CPB1: variants seen among roughly 807,000 people sequenced by gnomAD.
CPB1 encodes carboxypeptidase B1, also known as carboxypeptidase B.
In CPB1, 53 loss-of-function variants were observed where a neutral mutation model predicts 51.4. The observed-to-expected ratio is 1.03, with a 90% confidence interval of 0.83 to 1.30. The LOEUF is 1.30. Among genes scored for constraint, CPB1 ranks in the 50% most tolerant of loss-of-function variants. CPB1 has a pLI of 0.00. For synonymous variants in CPB1, 189 were observed against 186.9 expected (o/e 1.01, Z -0.09); for missense variants, 494 against 516.2 (o/e 0.96, Z 0.42).
rs1044101005 is a variant in CPB1 at position 148,845,433 on chromosome 3, C to G, written c.788C>G (p.Ala263Gly). Residue 263 changes from alanine (A) to glycine (G), a missense_variant, in exon 9 of 11, where the codon GCC becomes GGC. Ala to Gly is a moderately conservative substitution (Grantham distance 60). Transcript: ENST00000282957. ...NFDAGWCEIGASRNPCDETYC... is the reference protein window; with the variant it reads ...NFDAGWCEIGGSRNPCDETYC... The stretch of plus-strand genomic sequence containing the variant: ...TCATATGTTTTTCCAGAAATTGGAG[C>G]CTCTCGAAACCCCTGTGATGAAACT... 6.2e-7 allele frequency: 1 copy of G among 1,613,732 alleles called. No homozygotes were observed. The highest frequency in any genetic ancestry group is 8.5e-7 in the Non-Finnish European group (1 of 1,179,726).
At position 148,840,799 on chromosome 3, in the gene CPB1, A is replaced by G. The variant is rs1414638376; in HGVS notation, c.372+14A>G. The G allele has an allele frequency of 2.5e-6, 4 of 1,613,776 alleles. No individual in the cohort carries two copies. Among genetic ancestry groups the G allele is most frequent in the Admixed American group, 3.3e-5 (2 of 60,002 alleles). ...AAGTGGGAAACGGTATGATGTGCAC[A>G]TGATTTAGACAGATATTACTTTGGG... On this transcript the variant is annotated intron_variant, in intron 4 of 10. Transcript: ENST00000282957.
intron 6 of CPB1, 39 bp from the exon 7 acceptor site, chr3:148,844,439 C>A: frequency 6.7e-7 from 1 of 1,489,166 alleles, no homozygotes; most frequent in Middle Eastern, 1.7e-4. Context: ...ATCATAATTC[C>A]ATTTTTCCAT....
chr3:148,834,543 A>G lies in CPB1; in HGVS notation c.193A>G (p.Ser65Gly), dbSNP rs146504027. 6,677 of 1,613,684 alleles carry G rather than the reference A, an allele frequency of 4.1e-3. 17 individuals carry two copies. The highest frequency in any genetic ancestry group is 4.8e-3 in the Non-Finnish European group (5,633 of 1,179,558). The change falls in exon 3 of 11, where the codon AGT becomes GGT. Residue 65 changes from serine (S) to glycine (G), a missense_variant. By Grantham distance (56) the Ser-to-Gly change is moderately conservative. Transcript: ENST00000282957. ...TTCTGTCACACAAATCAAACCTCAC[A>G]GTACAGTTGACTTCCGTGTTAAAGC... ...PDSVTQIKPH[S>G]TVDFRVKAED... is the part of the protein sequence containing the mutation.
At chr3:148,857,365 C>T (rs1713610089) in intron 9 of CPB1, 92 bp from the exon 10 acceptor site, 1 of 922,540 alleles carries the variant, frequency 1.1e-6, no homozygotes. Flanking sequence ...TTGTTACTTA[C>T]ATGCTTTGAA....
At chr3:148,833,568 A>T (rs1267113430) in intron 2 of CPB1, among the ~76,000 whole-genome samples, 2 of 152,116 alleles carry the variant, frequency 1.3e-5, no homozygotes, top group East Asian at 3.8e-4. Context: ...CCGAACAGAG[A>T]TTGGCTGAGA....
chr3:148,829,049 C>T (rs958217777), intron 2 of CPB1, among the ~76,000 whole-genome samples: 1 of 152,200 alleles, frequency 6.6e-6, no homozygotes, highest in Non-Finnish European at 1.5e-5. Context: ...TTTGGAATAG[C>T]CCACTTGCCT....
intron 5 of CPB1, among the ~76,000 whole-genome samples, chr3:148,841,408 TAA>T (rs1713077250): frequency 6.6e-6 from 1 of 152,132 alleles, no homozygotes; most frequent in African/African-American, 2.4e-5. Context: ...ATGAAGGAAA[TAA>T]AAAGACAGGG....
chr3:148,835,734 C>G (rs774620617), intron 3 of CPB1, among the ~76,000 whole-genome samples: 3 of 152,206 alleles, frequency 2.0e-5, no homozygotes, highest in Admixed American at 6.5e-5. Context: ...TCCCCCATCA[C>G]AAGCTCAAGT....
chr3:148,851,062 G>A (rs1401987327), intron 9 of CPB1: 1 of 152,238 alleles, frequency 6.6e-6, no homozygotes, highest in East Asian at 1.9e-4. Context: ...GGCCAAGCCT[G>A]GTGGCTCATG....
intron 9 of CPB1, 199 bp from the exon 10 acceptor site, chr3:148,857,258 G>A: frequency 2.0e-6 from 1 of 498,980 alleles, no homozygotes; most frequent in Non-Finnish European, 3.6e-6. Context: ...GAGGGTATTA[G>A]GGAAGACATT....
intron 2 of CPB1, among the ~76,000 whole-genome samples, chr3:148,828,568 G>A (rs961402685): frequency 6.6e-6 from 1 of 152,128 alleles, no homozygotes; most frequent in African/African-American, 2.4e-5. Flanking sequence ...GAAAAAGAGG[G>A]TAAAAAGCCA....
At chr3:148,845,232 C>T (rs1713199070) in intron 8 of CPB1, among the ~76,000 whole-genome samples, 192 bp from the exon 9 acceptor site, 1 of 152,048 alleles carries the variant, frequency 6.6e-6, no homozygotes, top group African/African-American at 2.4e-5. Flanking sequence ...ACCAGGTTAG[C>T]TTAAAAACAT....
chr3:148,853,312 C>G (rs556828171), intron 9 of CPB1, among the ~76,000 whole-genome samples: 27 of 152,296 alleles, frequency 1.8e-4, no homozygotes, highest in Admixed American at 8.5e-4. Flanking sequence ...GAGATTGGAA[C>G]AAGGGCTATG....
At chr3:148,852,245 A>G (rs1198447483) in intron 9 of CPB1, among the ~76,000 whole-genome samples, 2 of 152,192 alleles carry the variant, frequency 1.3e-5, no homozygotes, top group African/African-American at 4.8e-5. Context: ...ATAACTAAAT[A>G]TTTTATATGA....
intron 3 of CPB1, among the ~76,000 whole-genome samples, chr3:148,840,068 T>C (rs1034351376): frequency 6.6e-6 from 1 of 152,208 alleles, no homozygotes; most frequent in African/African-American, 2.4e-5. Context: ...TACAGAACTA[T>C]TATTAGATTA....
At chr3:148,840,139 C>T (rs917066368) in intron 3 of CPB1, among the ~76,000 whole-genome samples, 3 of 152,182 alleles carry the variant, frequency 2.0e-5, no homozygotes, top group African/African-American at 4.8e-5. Context: ...TCTTCTTTTA[C>T]CAAGTAAATC....
rs539202789 is a variant in CPB1 at position 148,831,997 on chromosome 3, A to G, written c.148-2501A>G. Among the ~76,000 whole-genome samples, 8 of 152,248 alleles carry G rather than the reference A, an allele frequency of 5.3e-5. No individual in the cohort carries two copies. In the East Asian group the frequency reaches 1.5e-3, roughly 29 times the overall value. On this transcript the variant is annotated intron_variant, in intron 2 of 10. Transcript: ENST00000282957. Reference sequence around the variant, plus strand: ...AAGTATCAGAGACTAACTCCAGTATAGTGGGTCTGTGTCACACATGCAACA... The same window carrying G: ...AAGTATCAGAGACTAACTCCAGTATGGTGGGTCTGTGTCACACATGCAACA...
intron 9 of CPB1, among the ~76,000 whole-genome samples, chr3:148,849,684 G>A (rs1028374410): frequency 5.9e-5 from 9 of 152,226 alleles, no homozygotes; most frequent in African/African-American, 1.4e-4. Context: ...AAAGCAGAGC[G>A]CACTACACAA....
rs1713054544 is a variant in CPB1, at chr3:148,840,869, G to C, written c.373-5G>C. 1 of 1,613,474 alleles carries C rather than the reference G, an allele frequency of 6.2e-7. No homozygotes were observed. Among genetic ancestry groups the C allele is most frequent in the African/African-American group, 1.3e-5 (1 of 74,904 alleles). ...CATTGATCTACAAATGATTCCATTT[G>C]GTAGATAGAGGCTTGGACTCAACAA... On this transcript the variant is annotated splice_polypyrimidine_tract_variant and splice_region_variant and intron_variant, in intron 4 of 10. Coordinates refer to ENST00000282957, the MANE Select transcript of CPB1 (RefSeq NM_001871.3).
Sources: allele counts gnomAD v4.1 joint callset (sites outside exome capture counted in the v4.1 genomes callset), GRCh38; gene constraint gnomAD v4.1.1; transcripts MANE v1.5; gene names NCBI Gene and HGNC (gene_info 2026-07-23, HGNC 2026-07-21).